ABCC6: variants seen among roughly 807,000 people sequenced by gnomAD.
ABCC6 encodes ATP binding cassette subfamily C member 6, also known as ATP-binding cassette sub-family C member 6.
ABCC6 carries 126 observed loss-of-function variants against 169.5 expected under a neutral mutation model. The observed-to-expected ratio is 0.74, with a 90% confidence interval of 0.64 to 0.86. The LOEUF (loss-of-function observed/expected upper bound fraction) is 0.86, where lower values mean the gene tolerates loss of function less well. Ranked by LOEUF, ABCC6 falls within the 40% of genes least tolerant of loss-of-function variation. The pLI is 0.00. For missense variants in ABCC6, 1,733 were observed against 1,927.2 expected, an observed-to-expected ratio of 0.90 and a Z score of 1.89; for synonymous variants, 752 against 814.7, an observed-to-expected ratio of 0.92 and a Z score of 1.31.
chr16:16,165,775 T>C lies in ABCC6; in HGVS notation c.3154A>G (p.Thr1052Ala). The C allele has an allele frequency of 6.2e-7, 1 of 1,613,730 alleles. No homozygotes were observed. ...GHLLNRFSKE[T>A]DTVDVDIPDK... ...GGAATGTCCACGTCAACCGTGTCTGTCTCCTTGGAGAAGCGGTTTAGCAGG... is the reference window on the plus strand; with the variant it reads ...GGAATGTCCACGTCAACCGTGTCTGCCTCCTTGGAGAAGCGGTTTAGCAGG... The change falls in exon 23 of 31, where the codon ACA (threonine) becomes GCA (alanine). Residue 1052 changes from threonine (T) to alanine (A), a missense_variant. Thr to Ala is a moderately conservative substitution (Grantham distance 58). Coordinates refer to ENST00000205557, the MANE Select transcript of ABCC6 (RefSeq NM_001171.6).
chr16:16,214,532 G>C, intron 4 of ABCC6, 83 bp from the exon 5 acceptor site: 1 of 1,549,086 alleles, frequency 6.5e-7, no homozygotes, highest in Non-Finnish European at 8.7e-7. Flanking sequence ...TCTTGGGTCA[G>C]TGCCCACTCT....
At chr16:16,172,454 T>G (rs1596633312) in intron 21 of ABCC6, among the ~76,000 whole-genome samples, 1 of 105,088 alleles carries the variant, frequency 9.5e-6, no homozygotes, top group Non-Finnish European at 1.8e-5. Context: ...AATGAGGGGG[T>G]GGGATGGATG....
chr16:16,185,100 C>A, intron 14 of ABCC6, 66 bp from the exon 15 acceptor site: 1 of 1,433,988 alleles, frequency 7.0e-7, no homozygotes. Context: ...TCGGAGAGGC[C>A]CCCAGGCACC....
intron 29 of ABCC6, among the ~76,000 whole-genome samples, chr16:16,153,614 A>T (rs9932935): frequency 0.17 from 25,462 of 152,036 alleles, 2,298 homozygotes; most frequent in African/African-American, 0.24. Flanking sequence ...AACACTACAG[A>T]AACTATACAC....
rs1475642522 is a variant in ABCC6 at position 16,190,934 on chromosome 16, AG to A, written c.1432-568del. 2.0e-3 allele frequency among the ~76,000 whole-genome samples: 8 copies of A among 3,972 alleles called. 1 individual carries two copies. Among genetic ancestry groups the A allele is most frequent in the Non-Finnish European group, 4.3e-3 (8 of 1,878 alleles). The allele number at this position is 3,972 out of a possible 152,430, so 2.6% of individuals were successfully genotyped here. On this transcript the variant is annotated intron_variant, in intron 11 of 30. Transcript: ENST00000205557. ...GGGTGGGGGGTGGGGGCTGGGGGGT[AG>A]GGGGGTGGCGGGGGCACCTAAAACC...
chr16:16,161,779 A>G (rs2046728568), intron 24 of ABCC6, among the ~76,000 whole-genome samples: 1 of 152,064 alleles, frequency 6.6e-6, no homozygotes. Context: ...CGGTGTTCTG[A>G]AGAGCATCCC....
intron 10 of ABCC6, among the ~76,000 whole-genome samples, chr16:16,195,373 T>C (rs891962705): frequency 2.0e-5 from 3 of 148,848 alleles, no homozygotes; most frequent in Non-Finnish European, 4.4e-5. Context: ...AGTGCAGTGA[T>C]GTGATCTCAG....
At chr16:16,208,120 C>T (rs1054638629) in intron 7 of ABCC6, among the ~76,000 whole-genome samples, 3 of 152,102 alleles carry the variant, frequency 2.0e-5, no homozygotes, top group Admixed American at 6.5e-5. Flanking sequence ...CCCTCCACCC[C>T]GGCCTTAAAA....
intron 21 of ABCC6, among the ~76,000 whole-genome samples, chr16:16,171,619 T>C (rs2152239000): frequency 6.6e-6 from 1 of 152,174 alleles, no homozygotes; most frequent in Middle Eastern, 3.4e-3. Context: ...GAAAGATCAA[T>C]GAATGGATGA....
chr16:16,190,242 G>A lies in ABCC6; in HGVS notation c.1557C>T (p.Gly519=), dbSNP rs1330894090. ...AFLDRVLGIR[G]QELGALRTSG... Reference sequence around the variant, plus strand: ...AGGTCCGCAAGGCGCCCAGCTCCTGGCCTCGGATGCCCAGGACTCTGTCCA... The same window carrying A: ...AGGTCCGCAAGGCGCCCAGCTCCTGACCTCGGATGCCCAGGACTCTGTCCA... The change falls in exon 12 of 31, where the codon GGC becomes GGT. Residue 519 remains glycine (G), a synonymous_variant. Coordinates refer to ENST00000205557, the MANE Select transcript of ABCC6 (RefSeq NM_001171.6). 1.2e-6 allele frequency: 2 copies of A among 1,614,004 alleles called. No individual in the cohort carries two copies. Among genetic ancestry groups the A allele is most frequent in the African/African-American group, 2.7e-5 (2 of 74,908 alleles).
chr16:16,168,664 G>A (rs1324073341), intron 22 of ABCC6, among the ~76,000 whole-genome samples: 1 of 152,114 alleles, frequency 6.6e-6, no homozygotes, highest in Non-Finnish European at 1.5e-5. Context: ...TCGTGGTGAG[G>A]GGGTTGTTCA....
In ABCC6 at chr16:16,150,808, T is replaced by G. The variant is rs746924203; in HGVS notation, c.4209-36A>C. Reference sequence around the variant, plus strand: ...TTGGGACAATTAGCTGGGACGTGCGTTTGTCGGCACATGGTGATGTGTGGG... The same window carrying G: ...TTGGGACAATTAGCTGGGACGTGCGGTTGTCGGCACATGGTGATGTGTGGG... On this transcript the variant is annotated intron_variant, in intron 29 of 30. Transcript: ENST00000205557. 2.5e-6 allele frequency: 4 copies of G among 1,606,002 alleles called. No individual in the cohort carries two copies. In the Admixed American group the frequency reaches 6.8e-5, roughly 27 times the overall value.
Position 16,177,848 on chromosome 16 carries a change from C to T in ABCC6, c.2416-222G>A, listed in dbSNP as rs556686138. 7.9e-5 allele frequency among the ~76,000 whole-genome samples: 12 copies of T among 152,040 alleles called. No individual in the cohort carries two copies. The South Asian group carries it at 2.5e-3, about 32-fold the overall frequency. Reference sequence around the variant, plus strand: ...GTCTCAGCTACTTTGGAGGCTAAGGCAAGAGAATCACTTAAACCTGGGAGG... The same window carrying T: ...GTCTCAGCTACTTTGGAGGCTAAGGTAAGAGAATCACTTAAACCTGGGAGG... On this transcript the variant is annotated intron_variant, in intron 18 of 30. Transcript: ENST00000205557.
At chr16:16,150,340 GA>G in intron 30 of ABCC6, 99 bp from the exon 31 acceptor site, 3 of 1,577,258 alleles carry the variant, frequency 1.9e-6, no homozygotes, top group Non-Finnish European at 2.6e-6. Context: ...TTTCTCCATA[GA>G]AGTCCTGCTT....
intron 2 of ABCC6, among the ~76,000 whole-genome samples, chr16:16,220,962 G>A (rs564123326): frequency 1.3e-5 from 2 of 151,560 alleles, no homozygotes; most frequent in South Asian, 2.1e-4. Flanking sequence ...TGACTATTGC[G>A]TTCATTCTGG....
In ABCC6 at chr16:16,192,258, A is replaced by G. The variant is rs547995016; in HGVS notation, c.1431+572T>C. Among the ~76,000 whole-genome samples the G allele has an allele frequency of 2.0e-5, 3 of 151,872 alleles. No homozygotes were observed. The East Asian group carries it at 5.8e-4, about 30-fold the overall frequency. The stretch of plus-strand genomic sequence containing the variant: ...GATGTGTGGGGAAAGGCAGGGAAGG[A>G]GGGGAGATGGGTAGAAGGTGAGGTT... On this transcript the variant is annotated intron_variant, in intron 11 of 30. Coordinates refer to ENST00000205557, the MANE Select transcript of ABCC6 (RefSeq NM_001171.6).
chr16:16,181,044 C>A (rs1462903635), intron 17 of ABCC6, among the ~76,000 whole-genome samples: 2 of 152,136 alleles, frequency 1.3e-5, no homozygotes, highest in African/African-American at 4.8e-5. Flanking sequence ...GGGCTCACGC[C>A]TGTAATCCCA....
intron 10 of ABCC6, among the ~76,000 whole-genome samples, chr16:16,195,522 A>G (rs192353716): frequency 2.9e-4 from 44 of 152,140 alleles, no homozygotes; most frequent in Admixed American, 4.6e-4. Flanking sequence ...CATGTTGGCC[A>G]GGCTGGTCTT....
intron 26 of ABCC6, among the ~76,000 whole-genome samples, chr16:16,158,441 G>GCATC (rs1475755508): frequency 1.3e-5 from 2 of 151,140 alleles, no homozygotes; most frequent in South Asian, 2.1e-4. Flanking sequence ...ATCCATCCAT[G>GCATC]CATCCATCCA....
Sources: gnomAD v4.1 joint callset for allele counts (sites outside exome capture counted in the v4.1 genomes callset) on GRCh38, gnomAD v4.1.1 for gene constraint, MANE v1.5 for transcripts, NCBI Gene and HGNC (gene_info 2026-07-23, HGNC 2026-07-21) for gene names.